Variants in IL16 observed in about 807,000 individuals in gnomAD.
IL16 encodes the protein pro-interleukin-16.
IL16 carries 67 observed loss-of-function variants against 110.1 expected under a neutral mutation model. The ratio of observed to expected loss-of-function variants is 0.61; its 90% CI spans 0.50 to 0.75. IL16 has a LOEUF of 0.75. Ranked by LOEUF, IL16 falls within the 30% of genes least tolerant of loss-of-function variation. The pLI is 0.00. For missense variants in IL16, 1,545 were observed against 1,655.0 expected (o/e 0.93, Z 1.15); for synonymous variants, 689 against 662.9 (o/e 1.04, Z -0.61).
intron 1 of IL16, among the ~76,000 whole-genome samples, chr15:81,183,808 C>T (rs577055501): frequency 4.6e-5 from 7 of 152,332 alleles, no homozygotes; most frequent in Admixed American, 1.3e-4. Flanking sequence ...CTGAGGGTAA[C>T]AGGCTCCTTG....
In IL16 at chr15:81,304,996, A is replaced by G. The variant is rs929317720; in HGVS notation, c.3421-912A>G. On this transcript the variant is annotated intron_variant, in intron 16 of 18. Transcript: ENST00000683961. ...ATATTTTTGTGTGTTTGTTTATCCC[A>G]CATATCTTGCAGAAAGGGGACCAAG... 2.6e-5 allele frequency among the ~76,000 whole-genome samples: 4 copies of G among 152,292 alleles called. No homozygotes were observed. The South Asian group carries it at 8.3e-4, about 32-fold the overall frequency.
intron 1 of IL16, among the ~76,000 whole-genome samples, chr15:81,202,675 T>G (rs1390521128): frequency 1.3e-5 from 2 of 152,214 alleles, no homozygotes; most frequent in African/African-American, 4.8e-5. Context: ...TATGGCTGCA[T>G]AGTATTCCAT....
intron 1 of IL16, among the ~76,000 whole-genome samples, chr15:81,215,953 G>A (rs928655596): frequency 2.6e-5 from 4 of 152,218 alleles, no homozygotes; most frequent in Admixed American, 6.5e-5. Context: ...GGAGCAATGC[G>A]CTCAGGCTGG....
rs183328079 is a variant in IL16, at chr15:81,243,641, C to A, written c.313-16131C>A. Among the ~76,000 whole-genome samples the A allele has an allele frequency of 1.4e-4, 22 of 152,214 alleles. No individual in the cohort carries two copies. The East Asian group carries it at 4.2e-3, about 29-fold the overall frequency. On this transcript the variant is annotated intron_variant, in intron 2 of 18. Coordinates refer to ENST00000683961, the MANE Select transcript of IL16 (RefSeq NM_172217.5). Reference sequence around the variant, plus strand: ...AGACTGTGTACAATTTATGTTAATTCTTTAAATGTTTGATAGAATTCTTCA... The same window carrying A: ...AGACTGTGTACAATTTATGTTAATTATTTAAATGTTTGATAGAATTCTTCA...
At chr15:81,301,096 T>C (rs1296684916) in intron 14 of IL16, among the ~76,000 whole-genome samples, 2 of 152,182 alleles carry the variant, frequency 1.3e-5, no homozygotes, top group African/African-American at 4.8e-5. Flanking sequence ...GTCCCTGCTG[T>C]AGGGCTGGGG....
At chr15:81,249,572 T>C (rs1897694164) in intron 2 of IL16, among the ~76,000 whole-genome samples, 1 of 152,216 alleles carries the variant, frequency 6.6e-6, no homozygotes, top group Admixed American at 6.5e-5. Flanking sequence ...ATTTTTGCCC[T>C]TTTGAAGTTA....
At chr15:81,257,723 C>T (rs1030194618) in intron 2 of IL16, among the ~76,000 whole-genome samples, 2 of 152,146 alleles carry the variant, frequency 1.3e-5, no homozygotes, top group Admixed American at 6.5e-5. Context: ...AAACCCTTGG[C>T]ACATGAAATT....
chr15:81,238,431 T>G (rs949902785), intron 2 of IL16, among the ~76,000 whole-genome samples: 2 of 152,212 alleles, frequency 1.3e-5, no homozygotes, highest in Non-Finnish European at 2.9e-5. Flanking sequence ...ATAGTTTTCA[T>G]AGTGGTTGCT....
chr15:81,216,466 C>T (rs1380007698), intron 1 of IL16, among the ~76,000 whole-genome samples: 5 of 152,124 alleles, frequency 3.3e-5, no homozygotes. Flanking sequence ...TCACTTCTAC[C>T]CACCCCTGGC....
At chr15:81,225,940 C>T (rs576335452) in intron 2 of IL16, among the ~76,000 whole-genome samples, 1 of 152,312 alleles carries the variant, frequency 6.6e-6, no homozygotes, top group African/African-American at 2.4e-5. Context: ...AGCACTATGT[C>T]ACTCCAAGGT....
chr15:81,264,725 A>G (rs1241618060), intron 3 of IL16, among the ~76,000 whole-genome samples: 1 of 103,652 alleles, frequency 9.6e-6, no homozygotes, highest in African/African-American at 5.7e-5. Flanking sequence ...TTGAAATGTG[A>G]CTTATTCAAA....
chr15:81,231,266 G>A (rs947543193), intron 2 of IL16, among the ~76,000 whole-genome samples: 2 of 151,048 alleles, frequency 1.3e-5, no homozygotes, highest in East Asian at 3.9e-4. Flanking sequence ...GGAGAGGAGA[G>A]CTGAGGAGAC....
rs1262925582 is a variant in IL16, at chr15:81,252,854, C to T, written c.313-6918C>T. On this transcript the variant is annotated intron_variant, in intron 2 of 18. Transcript: ENST00000683961. ...CAATCTTCTATTATATGGATATATT[C>T]CATTTTATTCATCCATTTATCAGGT... Among the ~76,000 whole-genome samples the T allele has an allele frequency of 1.3e-5, 2 of 151,996 alleles. 1 individual carries two copies. The highest frequency in any genetic ancestry group is 2.9e-5 in the Non-Finnish European group (2 of 67,996).
At position 81,247,076 on chromosome 15, in the gene IL16, C is replaced by CTTT. The variant is rs57484982; in HGVS notation, c.313-12678_313-12676dup. ...TTTGTGTTTTCTTTCTTTTCTTTTC[C>CTTT]TTTTTTTTTTTTTTTTTTTTGATCT... On this transcript the variant is annotated intron_variant, in intron 2 of 18. Coordinates refer to ENST00000683961, the MANE Select transcript of IL16 (RefSeq NM_172217.5). Among the ~76,000 whole-genome samples, 170 of 92,576 alleles carry CTTT rather than the reference C, an allele frequency of 1.8e-3. 4 individuals carry two copies. Among genetic ancestry groups the CTTT allele is most frequent in the African/African-American group, 7.3e-3 (151 of 20,766 alleles). The allele number at this position is 92,576 out of a possible 152,430, so 60.7% of individuals were successfully genotyped here. A position where few individuals can be genotyped will look rare whatever the true frequency, so the allele number is the denominator to read the frequency against.
chr15:81,292,681 T>C lies in IL16; in HGVS notation c.1546T>C (p.Tyr516His). ...GATCCGCTCCAGCAGTGACAGCAGC[T>C]ACATGTCTGGGTCCCCAGGGGGAAG... ...VMIRSSSDSS[Y>H]MSGSPGGSPG... The change falls in exon 12 of 19, where the codon TAC (tyrosine) becomes CAC (histidine). Residue 516 changes from tyrosine to histidine, a missense_variant. By Grantham distance (83) the Tyr-to-His change is moderately conservative. Transcript: ENST00000683961. 6.2e-7 allele frequency: 1 copy of C among 1,614,152 alleles called. No individual in the cohort carries two copies. Among genetic ancestry groups the C allele is most frequent in the Non-Finnish European group, 8.5e-7 (1 of 1,180,028 alleles).
intron 6 of IL16, among the ~76,000 whole-genome samples, chr15:81,278,380 G>C (rs372019028): frequency 2.0e-5 from 3 of 152,314 alleles, no homozygotes; most frequent in African/African-American, 7.2e-5. Flanking sequence ...GATTAAGAAG[G>C]GATAGGAGGA....
chr15:81,240,179 A>G (rs898842192), intron 2 of IL16, among the ~76,000 whole-genome samples: 1 of 152,018 alleles, frequency 6.6e-6, no homozygotes, highest in Admixed American at 6.6e-5. Context: ...ATTTTGTTGT[A>G]GTTCATTGAT....
rs576047779 is a variant in IL16 at position 81,213,714 on chromosome 15, G to C, written c.-101-11585G>C. On this transcript the variant is annotated intron_variant, in intron 1 of 18. Transcript: ENST00000683961. ...AAAATAGTGACTCCTGTTCTTTTTT[G>C]TTTTCCATTTGCATAGTATATCTTT... Among the ~76,000 whole-genome samples, 339 of 151,730 alleles carry C rather than the reference G, an allele frequency of 2.2e-3. 1 individual carries two copies. The highest frequency in any genetic ancestry group is 3.8e-3 in the Non-Finnish European group (260 of 67,846).
chr15:81,212,814 A>G (rs1896298262), intron 1 of IL16, among the ~76,000 whole-genome samples: 1 of 151,704 alleles, frequency 6.6e-6, no homozygotes, highest in Non-Finnish European at 1.5e-5. Flanking sequence ...AATCTTATTT[A>G]TTTTCTTGAA....
Sources: allele counts gnomAD v4.1 joint callset (sites outside exome capture counted in the v4.1 genomes callset), GRCh38; gene constraint gnomAD v4.1.1; transcripts MANE v1.5; gene names NCBI Gene and HGNC (gene_info 2026-07-23, HGNC 2026-07-21).